The following PDE1C variants were observed in gnomAD, a reference collection of about 807,000 sequenced individuals.
The protein encoded by PDE1C is phosphodiesterase 1C, also known as dual specificity calcium/calmodulin-dependent 3',5'-cyclic nucleotide phosphodiesterase 1C.
A neutral mutation model predicts 93.1 loss-of-function variants in PDE1C; 62 were observed. That is an observed-to-expected ratio of 0.67 (90% CI 0.54 to 0.82). The LOEUF is 0.82. PDE1C is among the 40% of genes least tolerant of loss of function. The pLI, the probability that PDE1C is intolerant of heterozygous loss-of-function variation, is 0.00. For missense variants in PDE1C, 742 were observed against 884.6 expected, an observed-to-expected ratio of 0.84 and a Z score of 2.04; for synonymous variants, 325 against 310.1, an observed-to-expected ratio of 1.05 and a Z score of -0.50.
the PDE1C span, among the ~76,000 whole-genome samples, chr7:31,638,642 T>C: frequency 6.6e-6 from 1 of 152,258 alleles, no homozygotes; most frequent in African/African-American, 2.4e-5. Context: ...GTCTTCTTAC[T>C]TGGATTATTT....
At chr7:31,698,304 C>G in the PDE1C span, among the ~76,000 whole-genome samples, 1 of 152,194 alleles carries the variant, frequency 6.6e-6, no homozygotes, top group Non-Finnish European at 1.5e-5. Context: ...GTTCTATGCT[C>G]CATGGGATTT....
At chr7:31,978,008 A>T (rs746221759) in intron 2 of PDE1C, among the ~76,000 whole-genome samples, 12 of 152,196 alleles carry the variant, frequency 7.9e-5, no homozygotes, top group African/African-American at 9.7e-5. Flanking sequence ...CTTTAAGATG[A>T]AGACGCTAAG....
At chr7:31,629,591 A>G in the PDE1C span, among the ~76,000 whole-genome samples, 3 of 152,246 alleles carry the variant, frequency 2.0e-5, no homozygotes, top group East Asian at 1.9e-4. Context: ...AAGATGCTAG[A>G]GGAAGCAGTG....
intron 1 of PDE1C, among the ~76,000 whole-genome samples, chr7:32,249,500 C>T (rs1245263787): frequency 6.6e-6 from 1 of 152,056 alleles, no homozygotes; most frequent in Non-Finnish European, 1.5e-5. Context: ...TCTTAAACAC[C>T]AGGCTAACTC....
At chr7:32,311,959 C>T (rs1340156191) in intron 1 of PDE1C, among the ~76,000 whole-genome samples, 1 of 151,192 alleles carries the variant, frequency 6.6e-6, no homozygotes, top group Non-Finnish European at 1.5e-5. Context: ...AAGAGGAAGT[C>T]AAATTGTCCC....
chr7:32,175,693 C>T (rs1181132937), intron 2 of PDE1C, among the ~76,000 whole-genome samples: 1 of 152,200 alleles, frequency 6.6e-6, no homozygotes, highest in Non-Finnish European at 1.5e-5. Flanking sequence ...TCTCCTTAAT[C>T]CCCTCCATAA....
At chr7:32,350,466 A>T (rs112535671) in intron 1 of PDE1C, among the ~76,000 whole-genome samples, 10 of 151,894 alleles carry the variant, frequency 6.6e-5, no homozygotes, top group African/African-American at 2.4e-4. Context: ...ATCATCTCCC[A>T]AATGTCATAA....
At chr7:32,240,188 T>A (rs988938033) in intron 1 of PDE1C, among the ~76,000 whole-genome samples, 4 of 152,240 alleles carry the variant, frequency 2.6e-5, no homozygotes, top group African/African-American at 9.6e-5. Context: ...AGGGTAGGTG[T>A]ATGCACATTA....
Position 32,157,625 on chromosome 7 carries a change from T to C in PDE1C, c.308+12160A>G, listed in dbSNP as rs909269310. The stretch of plus-strand genomic sequence containing the variant: ...ACAGACTGTATATTAGATAATAGTG[T>C]AATATCAAGATTAAGTTTCCTGACT... On this transcript the variant is annotated intron_variant, in intron 3 of 18. Coordinates refer to the PDE1C transcript ENST00000396193. Among the ~76,000 whole-genome samples the C allele has an allele frequency of 2.0e-5, 3 of 152,290 alleles. No homozygotes were observed. The South Asian group carries it at 6.2e-4, about 32-fold the overall frequency.
chr7:32,153,790 G>A (rs6972512), intron 3 of PDE1C, among the ~76,000 whole-genome samples: 39,975 of 152,134 alleles, frequency 0.26, 5,460 homozygotes, highest in Middle Eastern at 0.35. Flanking sequence ...TGCCATTGAT[G>A]TTGTTCAATG....
chr7:32,176,543 A>C (rs548047246), intron 2 of PDE1C, among the ~76,000 whole-genome samples: 1 of 152,194 alleles, frequency 6.6e-6, no homozygotes, highest in Non-Finnish European at 1.5e-5. Context: ...AAAATTTACA[A>C]ATCCTAAAAT....
At chr7:32,136,686 G>A (rs1417355287) in intron 3 of PDE1C, among the ~76,000 whole-genome samples, 1 of 152,164 alleles carries the variant, frequency 6.6e-6, no homozygotes, top group Non-Finnish European at 1.5e-5. Flanking sequence ...GCCAAAACAG[G>A]CATGTACCAA....
chr7:32,026,103 C>A (rs1283213570), intron 2 of PDE1C, among the ~76,000 whole-genome samples: 1 of 152,092 alleles, frequency 6.6e-6, no homozygotes, highest in African/African-American at 2.4e-5. Context: ...CGCGTGCACT[C>A]TCCCCAGTAA....
chr7:32,312,349 CA>C (rs1466443849), intron 1 of PDE1C, among the ~76,000 whole-genome samples: 1 of 151,686 alleles, frequency 6.6e-6, no homozygotes, highest in Non-Finnish European at 1.5e-5. Context: ...TTTATAGATT[CA>C]ATGCCATCCC....
chr7:32,066,973 G>C (rs1795478293), intron 1 of PDE1C, among the ~76,000 whole-genome samples: 1 of 152,218 alleles, frequency 6.6e-6, no homozygotes. Context: ...ATGTGCGTAA[G>C]CAGCATCAGG....
chr7:32,208,448 C>A (rs1027390388), intron 2 of PDE1C, among the ~76,000 whole-genome samples: 1 of 151,520 alleles, frequency 6.6e-6, no homozygotes, highest in East Asian at 1.9e-4. Context: ...GCTACTAAGT[C>A]TTTTTGTAGT....
intron 1 of PDE1C, among the ~76,000 whole-genome samples, chr7:32,227,078 C>A (rs965856532): frequency 4.6e-5 from 7 of 152,218 alleles, no homozygotes; most frequent in African/African-American, 1.7e-4. Context: ...CCGCAGCCAA[C>A]CTTGCAGTCG....
At chr7:32,086,491 T>G (rs1268610233) in intron 3 of PDE1C, among the ~76,000 whole-genome samples, 1 of 152,080 alleles carries the variant, frequency 6.6e-6, no homozygotes, top group Non-Finnish European at 1.5e-5. Context: ...CTTCACAGAA[T>G]TGGAAAAAAC....
chr7:32,400,046 C>T (rs967163754), intron 1 of PDE1C, among the ~76,000 whole-genome samples: 1 of 152,122 alleles, frequency 6.6e-6, no homozygotes, highest in Non-Finnish European at 1.5e-5. Flanking sequence ...TTTGTAAAGT[C>T]CTAGGATAGT....
Sources: allele counts gnomAD v4.1 joint callset (sites outside exome capture counted in the v4.1 genomes callset), GRCh38; gene constraint gnomAD v4.1.1; transcripts MANE v1.5; gene names NCBI Gene and HGNC (gene_info 2026-07-23, HGNC 2026-07-21).